Variants in PTPN14 observed in about 807,000 individuals in gnomAD.
The protein encoded by PTPN14 is tyrosine-protein phosphatase non-receptor type 14.
In PTPN14, 53 loss-of-function variants were observed where a neutral mutation model predicts 126.8. The observed-to-expected ratio is 0.42, with a 90% CI of 0.34 to 0.53. The LOEUF (loss-of-function observed/expected upper bound fraction) is 0.53, where lower values mean the gene tolerates loss of function less well. Ranked by LOEUF, PTPN14 falls within the 20% of genes least tolerant of loss-of-function variation. The pLI, the probability that PTPN14 is intolerant of heterozygous loss-of-function variation, is 0.08. For missense variants in PTPN14, 1,257 were observed against 1,552.9 expected (o/e 0.81, Z 3.20); for synonymous variants, 630 against 599.3 (o/e 1.05, Z -0.75).
chr1:214,402,493 G>T (rs1265891526), intron 6 of PTPN14, among the ~76,000 whole-genome samples: 1 of 148,318 alleles, frequency 6.7e-6, no homozygotes, highest in Non-Finnish European at 1.5e-5. Flanking sequence ...CACTGCATAG[G>T]CCTCGATATC....
chr1:214,373,554 T>C (rs56356777), intron 15 of PTPN14, among the ~76,000 whole-genome samples: 14,826 of 131,094 alleles, frequency 0.11, 970 homozygotes, highest in Middle Eastern at 0.2. Context: ...GTCGATTTCA[T>C]TGAAACACAC....
intron 2 of PTPN14, among the ~76,000 whole-genome samples, chr1:214,455,047 C>T (rs1660353323): frequency 6.6e-6 from 1 of 152,306 alleles, no homozygotes; most frequent in East Asian, 1.9e-4. Context: ...TATTTTCCTA[C>T]TCTGGAGTAG....
Position 214,414,737 on chromosome 1 carries a change from G to A in PTPN14, c.345-11C>T, listed in dbSNP as rs539906223. 6.3e-6 allele frequency: 10 copies of A among 1,596,520 alleles called. No individual in the cohort carries two copies. Among genetic ancestry groups the A allele is most frequent in the Non-Finnish European group, 8.6e-6 (10 of 1,164,126 alleles). ...AGGTAATACTGATATCTGTTCATGG[G>A]AATAGAGGAACAAACAACCTTAAAA... On this transcript the variant is annotated splice_polypyrimidine_tract_variant and intron_variant, in intron 3 of 18. Coordinates refer to ENST00000366956, the MANE Select transcript of PTPN14 (RefSeq NM_005401.5).
chr1:214,506,778 C>T (rs1467025259), intron 1 of PTPN14, among the ~76,000 whole-genome samples: 2 of 151,688 alleles, frequency 1.3e-5, no homozygotes, highest in Non-Finnish European at 2.9e-5. Flanking sequence ...AGGGAGACCT[C>T]GAATTTTTCT....
At chr1:214,523,207 C>T (rs948940570) in intron 1 of PTPN14, among the ~76,000 whole-genome samples, 1 of 152,144 alleles carries the variant, frequency 6.6e-6, no homozygotes, top group Admixed American at 6.5e-5. Flanking sequence ...AACACAGTCT[C>T]TCGCAGAAAC....
At chr1:214,451,155 TTTGTTG>T (rs1660264550) in intron 3 of PTPN14, among the ~76,000 whole-genome samples, 1 of 129,468 alleles carries the variant, frequency 7.7e-6, no homozygotes, top group African/African-American at 2.9e-5. Context: ...TGTTTTTGTT[TTTGTTG>T]TTTTTGTTTT....
chr1:214,516,316 C>T (rs1203918289), intron 1 of PTPN14, among the ~76,000 whole-genome samples: 1 of 152,194 alleles, frequency 6.6e-6, no homozygotes, highest in Non-Finnish European at 1.5e-5. Flanking sequence ...GCCAACAATG[C>T]AAGAGGCCAA....
chr1:214,507,105 T>C (rs1003947332), intron 1 of PTPN14, among the ~76,000 whole-genome samples: 1 of 152,044 alleles, frequency 6.6e-6, no homozygotes, highest in Non-Finnish European at 1.5e-5. Context: ...CAAATGTTAT[T>C]TGCAAAAGAA....
chr1:214,402,797 T>G (rs1659063844), intron 6 of PTPN14, 86 bp downstream of exon 6: 1 of 1,447,892 alleles, frequency 6.9e-7, no homozygotes, highest in Non-Finnish European at 9.6e-7. Context: ...AAGCCCAGAG[T>G]TGCTGATAGG....
At chr1:214,372,660 G>C in intron 16 of PTPN14, 51 bp downstream of exon 16, 2 of 1,612,292 alleles carry the variant, frequency 1.2e-6, no homozygotes, top group Non-Finnish European at 1.7e-6. Flanking sequence ...CCATCTTCTG[G>C]CCACCCTTTC....
At chr1:214,540,782 CAGA>C (rs751225076) in intron 1 of PTPN14, among the ~76,000 whole-genome samples, 8 of 152,022 alleles carry the variant, frequency 5.3e-5, no homozygotes, top group South Asian at 2.1e-4. Context: ...ATGGGAAAAG[CAGA>C]AGAAGAGTAT....
chr1:214,377,293 T>A (rs1658365184), intron 14 of PTPN14, among the ~76,000 whole-genome samples: 1 of 152,200 alleles, frequency 6.6e-6, no homozygotes, highest in Non-Finnish European at 1.5e-5. Flanking sequence ...AAATACTGCA[T>A]GTTGTCACTT....
chr1:214,392,999 G>GA (rs1347483084), intron 10 of PTPN14, among the ~76,000 whole-genome samples: 2 of 152,210 alleles, frequency 1.3e-5, no homozygotes, highest in Non-Finnish European at 2.9e-5. Flanking sequence ...CCAAACCGCT[G>GA]AATGTATTCA....
At chr1:214,466,524 C>G (rs910798332) in intron 1 of PTPN14, among the ~76,000 whole-genome samples, 1 of 152,156 alleles carries the variant, frequency 6.6e-6, no homozygotes, top group African/African-American at 2.4e-5. Flanking sequence ...TTGCCATGGA[C>G]AACACAAGAA....
At chr1:214,414,400 A>G (rs997689478) in intron 4 of PTPN14, among the ~76,000 whole-genome samples, 1 of 152,208 alleles carries the variant, frequency 6.6e-6, no homozygotes, top group Admixed American at 6.5e-5. Context: ...TCCTCATATA[A>G]AACTGTAATT....
At chr1:214,437,732 C>A (rs1178410256) in intron 3 of PTPN14, among the ~76,000 whole-genome samples, 2 of 152,196 alleles carry the variant, frequency 1.3e-5, no homozygotes, top group African/African-American at 4.8e-5. Flanking sequence ...CTAAATTCCT[C>A]AGCCTGAACC....
intron 1 of PTPN14, among the ~76,000 whole-genome samples, chr1:214,467,866 C>G (rs1055967934): frequency 2.0e-5 from 3 of 152,042 alleles, no homozygotes; most frequent in Non-Finnish European, 4.4e-5. Flanking sequence ...AAAATACTTG[C>G]AAGATACGGT....
At chr1:214,479,401 G>A (rs942582489) in intron 1 of PTPN14, among the ~76,000 whole-genome samples, 1 of 150,084 alleles carries the variant, frequency 6.7e-6, no homozygotes, top group South Asian at 2.1e-4. Flanking sequence ...GTGCAATGGC[G>A]TGATCTTGGC....
At chr1:214,468,692 C>T (rs1447591110) in intron 1 of PTPN14, among the ~76,000 whole-genome samples, 1 of 152,182 alleles carries the variant, frequency 6.6e-6, no homozygotes, top group Non-Finnish European at 1.5e-5. Flanking sequence ...ACTCACTCTA[C>T]TGTTCTTTTA....
Sources: allele counts gnomAD v4.1 joint callset (sites outside exome capture counted in the v4.1 genomes callset), GRCh38; gene constraint gnomAD v4.1.1; transcripts MANE v1.5; gene names NCBI Gene and HGNC (gene_info 2026-07-23, HGNC 2026-07-21).